GPR78: variants seen among roughly 807,000 people sequenced by gnomAD.
The protein encoded by GPR78 is G protein-coupled receptor 78.
GPR78 carries 29 observed loss-of-function variants against 17.9 expected under a neutral mutation model. That is an observed-to-expected ratio of 1.62 (90% CI 1.20 to 2.21). The LOEUF (loss-of-function observed/expected upper bound fraction) is 2.21, where lower values mean the gene tolerates loss of function less well. Ranked by LOEUF, GPR78 falls within the 30% of genes most tolerant of loss-of-function variation. GPR78 has a pLI of 0.00. For synonymous variants in GPR78, 349 were observed against 256.9 expected (o/e 1.36, Z -3.43); for missense variants, 649 against 530.5 (o/e 1.22, Z -2.19).
chr4:8,589,876 C>T lies in GPR78; in HGVS notation c.*2513C>T, dbSNP rs1056197442. ...CTTCTCTGCCAGCCCATGTGGCTCC[C>T]ACACTGGGCTATCCCTTGCCTTAGG... is the stretch of plus-strand genomic sequence containing the variant. On this transcript the variant is annotated 3_prime_UTR_variant, in exon 3 of 3. Coordinates refer to ENST00000382487, the MANE Select transcript of GPR78 (RefSeq NM_080819.5). Among the ~76,000 whole-genome samples the T allele has an allele frequency of 3.3e-5, 5 of 151,888 alleles. No homozygotes were observed. The highest frequency in any genetic ancestry group is 5.9e-5 in the Non-Finnish European group (4 of 67,994).
chr4:8,581,334 C>T lies in GPR78; in HGVS notation c.352C>T (p.Leu118=), dbSNP rs1450944861. Residue 118 remains leucine, a synonymous_variant, in exon 1 of 3, where the codon CTG becomes TTG. Transcript: ENST00000382487. ...CTTCCCACTGCGCTACGCCGGACGC[C>T]TGCGACCGCGCTATGCCGGCCTGCT... is the stretch of plus-strand genomic sequence containing the variant. ...VGFPLRYAGR[L]RPRYAGLLLG... The T allele has an allele frequency of 1.3e-6, 2 of 1,576,748 alleles. No individual in the cohort carries two copies. The highest frequency in any genetic ancestry group is 1.7e-5 in the Admixed American group (1 of 57,604).
rs536258858 is a variant in GPR78, at chr4:8,580,827, C to T, written c.-156C>T. Reference sequence around the variant, plus strand: ...GTGCCCCGGACCCTGCACTTGCCGCCGCTTTCCTCGCGCTGCTCTGGACCT... The same window carrying T: ...GTGCCCCGGACCCTGCACTTGCCGCTGCTTTCCTCGCGCTGCTCTGGACCT... On this transcript the variant is annotated 5_prime_UTR_variant, in exon 1 of 3. Transcript: ENST00000382487. 86 of 750,806 alleles carry T rather than the reference C, an allele frequency of 1.1e-4. 1 individual carries two copies. The South Asian group carries it at 1.3e-3, about 12-fold the overall frequency. 46.5% of individuals were successfully genotyped at this position (750,806 alleles called of 1,614,324 possible). A position where few individuals can be genotyped will look rare whatever the true frequency, so the allele number is the denominator to read the frequency against.
chr4:8,582,891 TG>T (rs1713357275), intron 2 of GPR78: 1 of 438,726 alleles, frequency 2.3e-6, no homozygotes, highest in Non-Finnish European at 4.1e-6. Context: ...CAGGCAGATA[TG>T]GGGTCTGTGA....
intron 1 of GPR78, 117 bp downstream of exon 1, chr4:8,581,767 A>G: frequency 1.4e-6 from 1 of 734,342 alleles, no homozygotes; most frequent in Non-Finnish European, 2.1e-6. Flanking sequence ...TTCACCAGCC[A>G]CAGCACTGCC....
chr4:8,586,958 C>T (rs3115387), intron 2 of GPR78, 96 bp from the exon 3 acceptor site: 918,608 of 1,078,034 alleles, frequency 0.85, 394,159 homozygotes, highest in East Asian at 0.96. Context: ...GGCTGCGGTA[C>T]GTACTTGAGT....
rs1713601185 is a variant in GPR78, at chr4:8,588,411, G to GTGTTGAGGACTTTT, written c.*1049_*1062dup. ...TGTCATTGAATGTCCCCATGGGACA[G>GTGTTGAGGACTTTT]TGTTGAGGACTTTTGTGACATCTGT... On this transcript the variant is annotated 3_prime_UTR_variant, in exon 3 of 3. Coordinates refer to ENST00000382487, the MANE Select transcript of GPR78 (RefSeq NM_080819.5). Among the ~76,000 whole-genome samples the GTGTTGAGGACTTTT allele has an allele frequency of 6.6e-6, 1 of 152,258 alleles. No homozygotes were observed. The highest frequency in any genetic ancestry group is 1.5e-5 in the Non-Finnish European group (1 of 68,040).
intron 2 of GPR78, among the ~76,000 whole-genome samples, chr4:8,584,417 G>A (rs1158349746): frequency 6.6e-6 from 1 of 152,214 alleles, no homozygotes; most frequent in Non-Finnish European, 1.5e-5. Flanking sequence ...GGCAGCTCAG[G>A]CTCTCTTCTC....
In GPR78 at chr4:8,588,843, C is replaced by G. The variant is rs1181365149; in HGVS notation, c.*1480C>G. Among the ~76,000 whole-genome samples the G allele has an allele frequency of 6.6e-6, 1 of 152,154 alleles. No homozygotes were observed. Among genetic ancestry groups the G allele is most frequent in the Admixed American group, 6.5e-5 (1 of 15,274 alleles). The stretch of plus-strand genomic sequence containing the variant: ...TGAGGTGGCTTCACAGATTCTTCCC[C>G]AAAAACACAGGTGTTATTATTATAC... On this transcript the variant is annotated 3_prime_UTR_variant, in exon 3 of 3. Coordinates refer to ENST00000382487, the MANE Select transcript of GPR78 (RefSeq NM_080819.5).
chr4:8,580,791 C>T lies in GPR78; in HGVS notation c.-192C>T, dbSNP rs140540741. On this transcript the variant is annotated 5_prime_UTR_variant, in exon 1 of 3. Coordinates refer to ENST00000382487, the MANE Select transcript of GPR78 (RefSeq NM_080819.5). ...CTGCTCCTGCTCCGCAGAGCTACGC[C>T]CTCCCCCCGGGTGCCCCGGACCCTG... 3.6e-5 allele frequency: 22 copies of T among 610,938 alleles called. No homozygotes were observed. In the East Asian group the frequency reaches 3.9e-4, roughly 11 times the overall value. 37.8% of individuals were successfully genotyped at this position (610,938 alleles called of 1,614,324 possible). A position where few individuals can be genotyped will look rare whatever the true frequency, so the allele number is the denominator to read the frequency against.
chr4:8,586,982 CT>C, intron 2 of GPR78, 71 bp from the exon 3 acceptor site: 1 of 1,359,992 alleles, frequency 7.4e-7, no homozygotes, highest in Non-Finnish European at 1.0e-6. Context: ...GTTCTAGCAC[CT>C]TCCCCCGGAG....
chr4:8,585,626 A>T (rs6817298), intron 2 of GPR78, among the ~76,000 whole-genome samples: 10,793 of 152,120 alleles, frequency 0.071, 511 homozygotes, highest in Non-Finnish European at 0.1. Flanking sequence ...GATCCTCACC[A>T]CAGCCTGGGG....
intron 2 of GPR78, among the ~76,000 whole-genome samples, chr4:8,585,955 G>T (rs981668994): frequency 2.6e-5 from 4 of 152,354 alleles, no homozygotes; most frequent in Admixed American, 6.5e-5. Context: ...TCTGAGTGGG[G>T]GTGGGACATC....
At position 8,581,383 on chromosome 4, in the gene GPR78, C is replaced by A; in HGVS notation, c.401C>A (p.Ser134Ter). Reference sequence around the variant, plus strand: ...CTGCTGGGCTGTGCCTGGGGACAGTCGCTGGCCTTCTCAGGCGCTGCACTT... The same window carrying A: ...CTGCTGGGCTGTGCCTGGGGACAGTAGCTGGCCTTCTCAGGCGCTGCACTT... The part of the protein sequence containing the change: ...GLLLGCAWGQ[S>*]LAFSGAALGC... Residue 134 changes from serine (S) to a stop codon, truncating the protein, a stop_gained, in exon 1 of 3, where the codon TCG (serine) becomes TAG (stop). Coordinates refer to ENST00000382487, the MANE Select transcript of GPR78 (RefSeq NM_080819.5). LOFTEE classifies it high-confidence loss of function. 1 of 1,583,896 alleles carries A rather than the reference C, an allele frequency of 6.3e-7. No individual in the cohort carries two copies. Among genetic ancestry groups the A allele is most frequent in the South Asian group, 1.1e-5 (1 of 89,182 alleles).
At position 8,587,704 on chromosome 4, in the gene GPR78, G is replaced by A. The variant is rs758116352; in HGVS notation, c.*341G>A. 42 of 377,208 alleles carry A rather than the reference G, an allele frequency of 1.1e-4. No individual in the cohort carries two copies. The highest frequency in any genetic ancestry group is 2.1e-4 in the East Asian group (4 of 18,862). 23.4% of individuals were successfully genotyped at this position (377,208 alleles called of 1,614,324 possible). A position where few individuals can be genotyped will look rare whatever the true frequency, so the allele number is the denominator to read the frequency against. On this transcript the variant is annotated 3_prime_UTR_variant, in exon 3 of 3. Coordinates refer to ENST00000382487, the MANE Select transcript of GPR78 (RefSeq NM_080819.5). The stretch of plus-strand genomic sequence containing the variant: ...TGTGTGGCATATGGTACTCGTGGGC[G>A]TGCTATAAGTGACTGCTGTTCATGT...
At position 8,586,155 on chromosome 4, in the gene GPR78, G is replaced by A. The variant is rs114345017; in HGVS notation, c.783-899G>A. Among the ~76,000 whole-genome samples the A allele has an allele frequency of 6.6e-3, 998 of 152,254 alleles. 12 individuals carry two copies. The highest frequency in any genetic ancestry group is 0.023 in the African/African-American group (956 of 41,546). ...CCCACCTAAGGCTGTGCTGCCGCTG[G>A]TCAGAAGCCTTGTCCTGACTCCATG... On this transcript the variant is annotated intron_variant, in intron 2 of 2. Transcript: ENST00000382487.
intron 2 of GPR78, among the ~76,000 whole-genome samples, chr4:8,583,973 T>A (rs1713396222): frequency 2.0e-5 from 3 of 152,210 alleles, no homozygotes; most frequent in African/African-American, 4.8e-5. Context: ...ATGGGGAAAC[T>A]GTAGCATCCT....
At chr4:8,585,508 A>G (rs1447097801) in intron 2 of GPR78, among the ~76,000 whole-genome samples, 1 of 151,914 alleles carries the variant, frequency 6.6e-6, no homozygotes, top group African/African-American at 2.4e-5. Flanking sequence ...ACCAGTCTCC[A>G]GTCTATGCCT....
intron 2 of GPR78, among the ~76,000 whole-genome samples, chr4:8,585,817 G>A (rs755865068): frequency 5.7e-4 from 87 of 152,218 alleles, no homozygotes; most frequent in Middle Eastern, 3.4e-3. Flanking sequence ...CCATCCCGCC[G>A]GACTGGGTGC....
chr4:8,581,070 T>G lies in GPR78; in HGVS notation c.88T>G (p.Cys30Gly). 1 of 1,606,500 alleles carries G rather than the reference T, an allele frequency of 6.2e-7. No individual in the cohort carries two copies. The highest frequency in any genetic ancestry group is 8.5e-7 in the Non-Finnish European group (1 of 1,179,064). ...ATCCAACGCACTGGTGCTGCTTTGT[T>G]GCGCCTACAGCGCTGAGCTCCGCAC... is the stretch of plus-strand genomic sequence containing the variant. The part of the protein sequence containing the change: ...LLSNALVLLC[C>G]AYSAELRTRA... Residue 30 changes from cysteine (C) to glycine (G), a missense_variant, in exon 1 of 3, where the codon TGC (cysteine) becomes GGC (glycine). Physicochemically the swap from Cys to Gly is radical, Grantham distance 159. Coordinates refer to ENST00000382487, the MANE Select transcript of GPR78 (RefSeq NM_080819.5).
Sources: gnomAD v4.1 joint callset for allele counts (sites outside exome capture counted in the v4.1 genomes callset) on GRCh38, gnomAD v4.1.1 for gene constraint, MANE v1.5 for transcripts, NCBI Gene and HGNC (gene_info 2026-07-23, HGNC 2026-07-21) for gene names.